The following ASIC2 variants were observed in gnomAD, a reference collection of about 807,000 sequenced individuals.
ASIC2 encodes acid sensing ion channel subunit 2.
A neutral mutation model predicts 57.3 loss-of-function variants in ASIC2; 25 were observed. The ratio of observed to expected loss-of-function variants is 0.44; its 90% CI spans 0.32 to 0.61. The LOEUF is 0.61. ASIC2 is among the 20% of genes least tolerant of loss of function. The pLI is 0.06. For synonymous variants in ASIC2, 319 were observed against 307.5 expected (o/e 1.04, Z -0.39); for missense variants, 641 against 738.1 (o/e 0.87, Z 1.52).
intron 1 of ASIC2, among the ~76,000 whole-genome samples, chr17:33,465,554 A>G (rs922512859): frequency 2.6e-5 from 4 of 151,844 alleles, no homozygotes; most frequent in African/African-American, 7.3e-5. Context: ...TTGTATTTTT[A>G]GTAGATACAG....
intron 1 of ASIC2, among the ~76,000 whole-genome samples, chr17:33,510,874 C>T (rs1281281852): frequency 6.6e-6 from 1 of 152,150 alleles, no homozygotes; most frequent in Non-Finnish European, 1.5e-5. Context: ...TAGACATGAA[C>T]ATGTCACCCT....
intron 1 of ASIC2, among the ~76,000 whole-genome samples, chr17:33,545,555 T>C (rs1915551398): frequency 6.6e-6 from 1 of 152,168 alleles, no homozygotes; most frequent in Admixed American, 6.5e-5. Flanking sequence ...TTTTGGCCAC[T>C]TCTTTCTCCC....
chr17:34,101,139 C>A (rs1290897737), intron 1 of ASIC2, among the ~76,000 whole-genome samples: 1 of 152,172 alleles, frequency 6.6e-6, no homozygotes. Context: ...CCTAAATGTT[C>A]CCCCGCCCAG....
intron 1 of ASIC2, among the ~76,000 whole-genome samples, chr17:33,746,009 A>T (rs529121798): frequency 6.6e-6 from 1 of 152,236 alleles, no homozygotes; most frequent in South Asian, 2.1e-4. Flanking sequence ...CAGAAATATA[A>T]TATATTTAAC....
At chr17:34,071,460 G>C (rs1354454222) in intron 1 of ASIC2, 2 of 152,000 alleles carry the variant, frequency 1.3e-5, no homozygotes, top group East Asian at 3.9e-4. Flanking sequence ...CCCTACCGAT[G>C]ATCAGAGAAA....
chr17:34,078,009 C>A (rs1363043019), intron 1 of ASIC2, among the ~76,000 whole-genome samples: 2 of 152,180 alleles, frequency 1.3e-5, no homozygotes, highest in Non-Finnish European at 2.9e-5. Context: ...ATCTTCACAT[C>A]TCTGTGCCTC....
At chr17:33,644,370 G>A (rs563030376) in intron 1 of ASIC2, among the ~76,000 whole-genome samples, 1 of 152,050 alleles carries the variant, frequency 6.6e-6, no homozygotes, top group African/African-American at 2.4e-5. Context: ...TTCAATTTCA[G>A]TTTCTCTTTT....
chr17:33,996,017 C>T (rs1421571800), intron 1 of ASIC2, among the ~76,000 whole-genome samples: 2 of 152,190 alleles, frequency 1.3e-5, no homozygotes, highest in African/African-American at 4.8e-5. Flanking sequence ...CCTATTGTCT[C>T]TCATCTTTTT....
chr17:34,054,517 A>G (rs1482174410), intron 1 of ASIC2, among the ~76,000 whole-genome samples: 1 of 152,200 alleles, frequency 6.6e-6, no homozygotes, highest in East Asian at 1.9e-4. Context: ...TCATACTGGT[A>G]GCATCCTACC....
intron 1 of ASIC2, among the ~76,000 whole-genome samples, chr17:33,415,403 T>C (rs1910807962): frequency 6.6e-6 from 1 of 152,244 alleles, no homozygotes; most frequent in African/African-American, 2.4e-5. Context: ...ATTTTTTATT[T>C]GTATTGTTTT....
chr17:33,859,444 C>T (rs544821225), intron 1 of ASIC2, among the ~76,000 whole-genome samples: 2 of 152,238 alleles, frequency 1.3e-5, no homozygotes, highest in South Asian at 2.1e-4. Context: ...GCAATATTAC[C>T]GTCCATCTGT....
chr17:33,495,423 G>A (rs912026973), intron 1 of ASIC2, among the ~76,000 whole-genome samples: 6 of 152,134 alleles, frequency 3.9e-5, no homozygotes, highest in Non-Finnish European at 8.8e-5. Flanking sequence ...TCATCTTCTC[G>A]GAAACCAAGA....
At chr17:33,597,627 C>G (rs936339521) in intron 1 of ASIC2, among the ~76,000 whole-genome samples, 3 of 152,074 alleles carry the variant, frequency 2.0e-5, no homozygotes, top group Non-Finnish European at 4.4e-5. Context: ...TCCTTTGTTG[C>G]TGTAATTACA....
chr17:33,980,631 C>T (rs1170446875), intron 1 of ASIC2: 1 of 152,234 alleles, frequency 6.6e-6, no homozygotes, highest in East Asian at 1.9e-4. Context: ...ATTTATCCTG[C>T]TACCTGCTGG....
intron 1 of ASIC2, among the ~76,000 whole-genome samples, chr17:33,579,790 A>C (rs962020152): frequency 2.0e-5 from 3 of 152,162 alleles, no homozygotes; most frequent in African/African-American, 4.8e-5. Flanking sequence ...ACAAACTACC[A>C]CACCGTGAAA....
At chr17:33,549,582 T>A (rs1244141346) in intron 1 of ASIC2, among the ~76,000 whole-genome samples, 1 of 152,210 alleles carries the variant, frequency 6.6e-6, no homozygotes, top group Non-Finnish European at 1.5e-5. Context: ...CAAATTAGCC[T>A]AGATTGTGGC....
intron 1 of ASIC2, among the ~76,000 whole-genome samples, chr17:33,787,371 A>T (rs1317588445): frequency 6.6e-6 from 1 of 152,210 alleles, no homozygotes; most frequent in Non-Finnish European, 1.5e-5. Flanking sequence ...GTATTCACAC[A>T]TTCCCCAGGA....
intron 2 of ASIC2, among the ~76,000 whole-genome samples, chr17:33,099,353 G>A (rs2092200868): frequency 6.6e-6 from 1 of 152,082 alleles, no homozygotes. Flanking sequence ...TCTGTTAAAT[G>A]ACTAGAACTG....
intron 1 of ASIC2, among the ~76,000 whole-genome samples, chr17:33,523,855 G>A (rs1257308570): frequency 6.6e-6 from 1 of 152,156 alleles, no homozygotes; most frequent in Non-Finnish European, 1.5e-5. Context: ...CAGAACAGCT[G>A]GGACGGAGGG....
Sources: allele counts gnomAD v4.1 joint callset (sites outside exome capture counted in the v4.1 genomes callset), GRCh38; gene constraint gnomAD v4.1.1; transcripts MANE v1.5; gene names NCBI Gene and HGNC (gene_info 2026-07-23, HGNC 2026-07-21).